GRM7: variants seen among roughly 807,000 people sequenced by gnomAD.
GRM7 encodes glutamate metabotropic receptor 7.
In GRM7, 35 loss-of-function variants were observed where a neutral mutation model predicts 84.5. The ratio of observed to expected loss-of-function variants is 0.41; its 90% CI spans 0.32 to 0.55. GRM7 has a LOEUF of 0.55. Among genes scored for constraint, GRM7 ranks in the 20% least tolerant of loss-of-function variants. The pLI is 0.19. For missense variants in GRM7, 1,003 were observed against 1,194.6 expected (o/e 0.84, Z 2.36); for synonymous variants, 487 against 455.1 (o/e 1.07, Z -0.89).
chr3:7,421,191 G>T (rs1049347386), intron 5 of GRM7, among the ~76,000 whole-genome samples: 1 of 152,056 alleles, frequency 6.6e-6, no homozygotes, highest in Non-Finnish European at 1.5e-5. Context: ...TTTTGTAAAG[G>T]CATTTAAGAA....
intron 9 of GRM7, among the ~76,000 whole-genome samples, chr3:7,711,109 G>C (rs1288985855): frequency 6.6e-6 from 1 of 152,110 alleles, no homozygotes; most frequent in East Asian, 1.9e-4. Context: ...TGGTATCCAC[G>C]ATAAATCTTT....
intron 8 of GRM7, among the ~76,000 whole-genome samples, chr3:7,614,294 C>T (rs911633581): frequency 6.6e-6 from 1 of 151,982 alleles, no homozygotes; most frequent in Admixed American, 6.6e-5. Context: ...ATTGTAATAT[C>T]CTGATAAACA....
chr3:7,622,959 ATAAGG>A (rs1333230996), intron 8 of GRM7, among the ~76,000 whole-genome samples: 4 of 152,114 alleles, frequency 2.6e-5, no homozygotes, highest in Non-Finnish European at 4.4e-5. Flanking sequence ...GGCCCAGAAG[ATAAGG>A]TAACTATGGG....
chr3:7,111,903 C>T (rs1186004996), intron 1 of GRM7, among the ~76,000 whole-genome samples: 2 of 152,054 alleles, frequency 1.3e-5, no homozygotes, highest in Non-Finnish European at 2.9e-5. Context: ...TACCAGCACC[C>T]CCCCACCCTC....
At chr3:7,588,313 C>A (rs2125061075) in intron 8 of GRM7, among the ~76,000 whole-genome samples, 1 of 152,248 alleles carries the variant, frequency 6.6e-6, no homozygotes, top group East Asian at 1.9e-4. Context: ...GCACATGCCA[C>A]CTGCTGTGGA....
chr3:7,084,263 G>A (rs1698369520), intron 1 of GRM7, among the ~76,000 whole-genome samples: 1 of 152,070 alleles, frequency 6.6e-6, no homozygotes, highest in Non-Finnish European at 1.5e-5. Context: ...CATTTCTCAA[G>A]CATGGTTCCT....
intron 1 of GRM7, among the ~76,000 whole-genome samples, chr3:7,042,285 T>A (rs936484150): frequency 6.6e-6 from 1 of 152,162 alleles, no homozygotes. Context: ...CAAGCTTGTG[T>A]CCACTGCAGA....
intron 1 of GRM7, among the ~76,000 whole-genome samples, chr3:6,904,177 AT>A (rs1696488374): frequency 6.6e-6 from 1 of 152,104 alleles, no homozygotes; most frequent in Non-Finnish European, 1.5e-5. Flanking sequence ...TTTTAAAAAA[AT>A]CTATTTTATT....
At chr3:6,876,599 A>ATTT (rs34723690) in intron 1 of GRM7, among the ~76,000 whole-genome samples, 7,375 of 124,018 alleles carry the variant, frequency 0.059, 362 homozygotes, top group African/African-American at 0.08. Flanking sequence ...TTTACCACTA[A>ATTT]TTTTTTTTTT....
intron 5 of GRM7, among the ~76,000 whole-genome samples, chr3:7,435,683 T>TTTTTG (rs1403538364): frequency 2.2e-5 from 1 of 44,808 alleles, no homozygotes; most frequent in African/African-American, 8.4e-5. Context: ...CGGCTAGTTT[T>TTTTTG]TTTTTTTTTT....
At chr3:7,640,452 T>C (rs1354278314) in intron 8 of GRM7, among the ~76,000 whole-genome samples, 1 of 152,214 alleles carries the variant, frequency 6.6e-6, no homozygotes, top group Non-Finnish European at 1.5e-5. Context: ...TTGGCTACCA[T>C]GCTCTGAATT....
chr3:7,013,262 A>AT (rs61440201), intron 1 of GRM7, among the ~76,000 whole-genome samples: 8,089 of 152,126 alleles, frequency 0.053, 717 homozygotes, highest in African/African-American at 0.18. Context: ...TTAATCTGTC[A>AT]TTTTTTATAA....
At chr3:7,718,932 G>T (rs1701848707) in intron 9 of GRM7, among the ~76,000 whole-genome samples, 1 of 152,188 alleles carries the variant, frequency 6.6e-6, no homozygotes, top group South Asian at 2.1e-4. Flanking sequence ...GAAGGCTGGT[G>T]CAATGTCTCA....
intron 5 of GRM7, among the ~76,000 whole-genome samples, chr3:7,443,582 A>T (rs1697382308): frequency 6.6e-6 from 1 of 151,954 alleles, no homozygotes; most frequent in Admixed American, 6.6e-5. Flanking sequence ...TTTACTTTTG[A>T]TTGACATTTT....
intron 2 of GRM7, among the ~76,000 whole-genome samples, chr3:7,178,230 T>C (rs111288007): frequency 2.5e-4 from 38 of 152,354 alleles, no homozygotes; most frequent in African/African-American, 8.7e-4. Context: ...ACTCTGAAAG[T>C]AACATCTCCA....
chr3:7,519,039 G>A (rs1386865124), intron 7 of GRM7, among the ~76,000 whole-genome samples: 1 of 152,106 alleles, frequency 6.6e-6, no homozygotes, highest in Non-Finnish European at 1.5e-5. Context: ...CCTCAATTTT[G>A]CATTTGAGGA....
At chr3:7,039,909 A>T (rs990697908) in intron 1 of GRM7, among the ~76,000 whole-genome samples, 3 of 152,190 alleles carry the variant, frequency 2.0e-5, no homozygotes, top group Non-Finnish European at 4.4e-5. Context: ...GCATTTTTAA[A>T]ACAAAACGAA....
At chr3:6,909,269 C>T (rs1575001605) in intron 1 of GRM7, among the ~76,000 whole-genome samples, 2 of 152,094 alleles carry the variant, frequency 1.3e-5, no homozygotes, top group Admixed American at 1.3e-4. Flanking sequence ...ACTAAGCCTG[C>T]CCTTTGATTG....
chr3:7,070,715 G>A (rs996354648), intron 1 of GRM7, among the ~76,000 whole-genome samples: 5 of 150,516 alleles, frequency 3.3e-5, no homozygotes, highest in South Asian at 2.1e-4. Flanking sequence ...TAGTACAGTC[G>A]GTTGCTCATA....
Sources: gnomAD v4.1 joint callset for allele counts (sites outside exome capture counted in the v4.1 genomes callset) on GRCh38, gnomAD v4.1.1 for gene constraint, MANE v1.5 for transcripts, NCBI Gene and HGNC (gene_info 2026-07-23, HGNC 2026-07-21) for gene names.